The following SEMA6A variants were observed in gnomAD, a reference collection of about 807,000 sequenced individuals.
SEMA6A encodes the protein semaphorin-6A.
In SEMA6A, 25 loss-of-function variants were observed where a neutral mutation model predicts 96.8. That is an observed-to-expected ratio of 0.26 (90% CI 0.19 to 0.36). The LOEUF (loss-of-function observed/expected upper bound fraction) is 0.36, where lower values mean the gene tolerates loss of function less well. Ranked by LOEUF, SEMA6A falls within the 10% of genes least tolerant of loss-of-function variation. The pLI is 1.00. For synonymous variants in SEMA6A, 612 were observed against 518.0 expected (o/e 1.18, Z -2.46); for missense variants, 1,363 against 1,323.1 (o/e 1.03, Z -0.47).
At chr5:116,556,095 G>C (rs1328269796) in intron 1 of SEMA6A, among the ~76,000 whole-genome samples, 1 of 152,064 alleles carries the variant, frequency 6.6e-6, no homozygotes, top group African/African-American at 2.4e-5. Context: ...CTGGGCACTG[G>C]ACCCAACAAA....
intron 18 of SEMA6A, among the ~76,000 whole-genome samples, chr5:116,462,494 GA>G (rs1755473831): frequency 6.6e-6 from 1 of 152,168 alleles, no homozygotes; most frequent in Non-Finnish European, 1.5e-5. Flanking sequence ...CTGGTGTGGA[GA>G]AAAAACTTGC....
intron 1 of SEMA6A, 86 bp from the exon 2 acceptor site, chr5:116,505,068 A>G: frequency 1.6e-6 from 1 of 638,384 alleles, no homozygotes; most frequent in Non-Finnish European, 2.7e-6. Flanking sequence ...TAAATTCGAG[A>G]GAAAAAAAGG....
At chr5:116,530,284 G>A (rs1038300482) in intron 1 of SEMA6A, among the ~76,000 whole-genome samples, 3 of 152,092 alleles carry the variant, frequency 2.0e-5, no homozygotes, top group African/African-American at 4.8e-5. Flanking sequence ...TAATCTGTAC[G>A]GAGAGTAATT....
At chr5:116,556,705 G>A (rs1414831627) in intron 1 of SEMA6A, among the ~76,000 whole-genome samples, 1 of 152,084 alleles carries the variant, frequency 6.6e-6, no homozygotes, top group Non-Finnish European at 1.5e-5. Flanking sequence ...TGTCATTTTG[G>A]TGTTCAGCTT....
intron 1 of SEMA6A, among the ~76,000 whole-genome samples, chr5:116,523,647 C>G (rs941218901): frequency 3.9e-5 from 6 of 152,112 alleles, no homozygotes; most frequent in African/African-American, 1.4e-4. Flanking sequence ...CAAAAATATG[C>G]ATAAAACTGA....
chr5:116,511,742 T>G (rs536982599), intron 1 of SEMA6A, among the ~76,000 whole-genome samples: 1 of 152,316 alleles, frequency 6.6e-6, no homozygotes, highest in South Asian at 2.1e-4. Flanking sequence ...ATGCAAATGC[T>G]TCTCAACCAG....
intron 1 of SEMA6A, among the ~76,000 whole-genome samples, chr5:116,568,230 C>T (rs996767946): frequency 3.9e-5 from 6 of 152,288 alleles, no homozygotes; most frequent in African/African-American, 1.2e-4. Context: ...TCACTAAATA[C>T]ATTCACATTC....
At chr5:116,562,900 GGCCCTCGA>G in intron 1 of SEMA6A, 3 of 606,180 alleles carry the variant, frequency 4.9e-6, no homozygotes, top group Middle Eastern at 5.6e-4. Context: ...GGGCCCAGTC[GGCCCTCGA>G]GCCCTTGCCC....
At position 116,482,401 on chromosome 5, in the gene SEMA6A, C is replaced by G; in HGVS notation, c.1094+43G>C. The G allele has an allele frequency of 1.3e-6, 2 of 1,591,140 alleles. 1 individual carries two copies. Among genetic ancestry groups the G allele is most frequent in the South Asian group, 2.3e-5 (2 of 88,114 alleles). ...TCATTATCAGAGGTGCAAGCTTTGCCATTTCTAAAGTTTAAAATAGCCATA... is the reference window on the plus strand; with the variant it reads ...TCATTATCAGAGGTGCAAGCTTTGCGATTTCTAAAGTTTAAAATAGCCATA... On this transcript the variant is annotated intron_variant, in intron 11 of 18. Transcript: ENST00000343348.
At position 116,562,970 on chromosome 5, in the gene SEMA6A, A is replaced by T. The variant is rs543786482; in HGVS notation, c.-39+11215T>A. 1.6e-5 allele frequency: 9 copies of T among 575,454 alleles called. 1 individual carries two copies. The highest frequency in any genetic ancestry group is 1.3e-4 in the South Asian group (9 of 68,530). 35.6% of individuals were successfully genotyped at this position (575,454 alleles called of 1,614,324 possible). ...GAGGACGTCCCCCCCATCCTCTCTG[A>T]CAGCACCCGCAGGAAGGGGGGTCGC... On this transcript the variant is annotated intron_variant, in intron 1 of 18. Transcript: ENST00000343348.
At chr5:116,556,914 A>G (rs1760631399) in intron 1 of SEMA6A, among the ~76,000 whole-genome samples, 2 of 152,192 alleles carry the variant, frequency 1.3e-5, no homozygotes, top group South Asian at 4.1e-4. Context: ...TATACATGCA[A>G]AAAATAGCTA....
intron 10 of SEMA6A, among the ~76,000 whole-genome samples, chr5:116,486,086 T>A (rs1202972397): frequency 6.6e-6 from 1 of 152,200 alleles, no homozygotes; most frequent in Non-Finnish European, 1.5e-5. Flanking sequence ...AAATTCTCAC[T>A]AGAGCCTTCC....
chr5:116,501,677 C>G (rs572257297), intron 3 of SEMA6A, among the ~76,000 whole-genome samples: 3 of 152,282 alleles, frequency 2.0e-5, no homozygotes, highest in Admixed American at 6.5e-5. Context: ...CACCTGAGGT[C>G]AGGAGTTCAA....
chr5:116,547,406 A>C (rs1262019363), intron 1 of SEMA6A, among the ~76,000 whole-genome samples: 1 of 152,198 alleles, frequency 6.6e-6, no homozygotes, highest in Non-Finnish European at 1.5e-5. Flanking sequence ...AAACATAGAA[A>C]ATTAACTCCT....
chr5:116,558,873 C>T (rs749400744), intron 1 of SEMA6A, among the ~76,000 whole-genome samples: 1 of 152,224 alleles, frequency 6.6e-6, no homozygotes, highest in Non-Finnish European at 1.5e-5. Context: ...GACAAACACT[C>T]ATATAAATAT....
At position 116,446,657 on chromosome 5, in the gene SEMA6A, C is replaced by A; in HGVS notation, c.3049G>T (p.Ala1017Ser). Residue 1017 changes from alanine to serine, a missense_variant, in exon 19 of 19, where the codon GCT (alanine) becomes TCT (serine). This residue lies in a region of SEMA6A where 883 missense variants were observed against 763.6 expected (regional missense o/e 1.16). Transcript: ENST00000343348. ...KPDVPPKPSFAPLSTSMKPND... is the reference protein window; with the variant it reads ...KPDVPPKPSFSPLSTSMKPND... ...GGCTTCATGGATGTGGAAAGGGGAG[C>A]AAAGGATGGTTTGGGGGGTACGTCC... 2 of 1,536,258 alleles carry A rather than the reference C, an allele frequency of 1.3e-6. No homozygotes were observed. The highest frequency in any genetic ancestry group is 1.3e-5 in the South Asian group (1 of 77,258).
intron 15 of SEMA6A, among the ~76,000 whole-genome samples, chr5:116,476,908 C>T (rs192407494): frequency 1.3e-5 from 2 of 152,188 alleles, no homozygotes; most frequent in African/African-American, 4.8e-5. Flanking sequence ...TAGTTATCAT[C>T]AGCTCTGTTT....
At chr5:116,542,692 G>A (rs1418965788) in intron 1 of SEMA6A, among the ~76,000 whole-genome samples, 1 of 152,204 alleles carries the variant, frequency 6.6e-6, no homozygotes, top group African/African-American at 2.4e-5. Flanking sequence ...GTGGAGCACC[G>A]CAAAACCTGT....
intron 18 of SEMA6A, among the ~76,000 whole-genome samples, chr5:116,460,700 T>G (rs1235815664): frequency 6.6e-6 from 1 of 152,130 alleles, no homozygotes; most frequent in East Asian, 1.9e-4. Context: ...CTACTCTTCT[T>G]TTCCCAAACA....
Sources: gnomAD v4.1 joint callset for allele counts (sites outside exome capture counted in the v4.1 genomes callset) on GRCh38, gnomAD v4.1.1 for gene constraint, gnomAD v4.1.1 regional missense constraint, MANE v1.5 for transcripts, NCBI Gene and HGNC (gene_info 2026-07-23, HGNC 2026-07-21) for gene names.